Variants in CHST8 observed in about 807,000 individuals in gnomAD.
CHST8 encodes GALNAC-4-ST1.
CHST8 carries 10 observed loss-of-function variants against 15.0 expected under a neutral mutation model. The observed-to-expected ratio is 0.67, with a 90% CI of 0.41 to 1.13. CHST8 has a LOEUF of 1.13. Among genes scored for constraint, CHST8 ranks in the 50% most tolerant of loss-of-function variants. The pLI is 0.00. For synonymous variants in CHST8, 259 were observed against 256.6 expected, an observed-to-expected ratio of 1.01 and a Z score of -0.09; for missense variants, 634 against 608.2, an observed-to-expected ratio of 1.04 and a Z score of -0.45.
At position 33,689,246 on chromosome 19, in the gene CHST8, C is replaced by T. The variant is rs1429316174; in HGVS notation, c.-16C>T. 4.5e-6 allele frequency: 7 copies of T among 1,561,546 alleles called. No individual in the cohort carries two copies. Among genetic ancestry groups the T allele is most frequent in the East Asian group, 2.3e-5 (1 of 42,556 alleles). On this transcript the variant is annotated 5_prime_UTR_variant, in exon 3 of 5. Transcript: ENST00000650847. ...TGCCCCCCACACCCAAGAGGTGACCCCTGAGCCAGCCCCGGATGACCCTGC... is the reference window on the plus strand; with the variant it reads ...TGCCCCCCACACCCAAGAGGTGACCTCTGAGCCAGCCCCGGATGACCCTGC...
intron 3 of CHST8, among the ~76,000 whole-genome samples, chr19:33,737,934 C>CAGTTT (rs1974116389): frequency 1.3e-5 from 2 of 152,032 alleles, no homozygotes; most frequent in African/African-American, 4.8e-5. Flanking sequence ...CAAGTGGTTG[C>CAGTTT]AGTTTTCATT....
At chr19:33,699,606 T>C (rs1451464392) in intron 3 of CHST8, among the ~76,000 whole-genome samples, 1 of 152,082 alleles carries the variant, frequency 6.6e-6, no homozygotes, top group East Asian at 1.9e-4. Context: ...CTATGCGTCA[T>C]GCCTAATATC....
intron 3 of CHST8, among the ~76,000 whole-genome samples, chr19:33,763,121 G>A (rs1187612922): frequency 6.6e-6 from 1 of 152,180 alleles, no homozygotes; most frequent in Non-Finnish European, 1.5e-5. Context: ...GTCTCCCAAA[G>A]TGCTAGAATT....
rs116867733 is a variant in CHST8, at chr19:33,694,734, C to T, written c.130+5343C>T. Among the ~76,000 whole-genome samples the T allele has an allele frequency of 5.1e-4, 78 of 152,210 alleles. No homozygotes were observed. The East Asian group carries it at 0.011, about 21-fold the overall frequency. ...AGCTGGGATTACAGCTGTCCACCAC[C>T]ACACCTAGCTAATTTTTATCTTTTT... On this transcript the variant is annotated intron_variant, in intron 3 of 4. Transcript: ENST00000650847.
chr19:33,725,807 G>A (rs1973885220), intron 3 of CHST8, among the ~76,000 whole-genome samples: 1 of 152,220 alleles, frequency 6.6e-6, no homozygotes, highest in Admixed American at 6.5e-5. Context: ...CTCTCATCTG[G>A]TCGTGGTGGG....
At chr19:33,676,344 C>T (rs541356152) in intron 2 of CHST8, among the ~76,000 whole-genome samples, 22 of 152,164 alleles carry the variant, frequency 1.4e-4, no homozygotes, top group Middle Eastern at 3.4e-3. Context: ...CTGAGGCAGG[C>T]GGATCGCTTG....
chr19:33,753,570 A>T (rs1292499864), intron 3 of CHST8, among the ~76,000 whole-genome samples: 1 of 20,848 alleles, frequency 4.8e-5, no homozygotes, highest in Non-Finnish European at 9.0e-5. Flanking sequence ...CACCAACCTC[A>T]CACCATCCCC....
chr19:33,663,533 C>T (rs1371849944), intron 1 of CHST8, among the ~76,000 whole-genome samples: 2 of 152,138 alleles, frequency 1.3e-5, no homozygotes, highest in Non-Finnish European at 2.9e-5. Context: ...CCACTGCCTC[C>T]GGCCTGGGGG....
In CHST8 at chr19:33,715,685, G is replaced by A. The variant is rs757001395; in HGVS notation, c.130+26294G>A. Among the ~76,000 whole-genome samples the A allele has an allele frequency of 4.4e-4, 67 of 152,310 alleles. No individual in the cohort carries two copies. The Middle Eastern group carries it at 0.01, about 23-fold the overall frequency. ...GACCTTCACCTTGCTGGGCTAGCTG[G>A]CCTTGGGTTGTCCCTGGCTGCCTGC... is the stretch of plus-strand genomic sequence containing the variant. On this transcript the variant is annotated intron_variant, in intron 3 of 4. Transcript: ENST00000650847.
chr19:33,741,709 AT>A (rs372516086), intron 3 of CHST8, among the ~76,000 whole-genome samples: 11,085 of 144,646 alleles, frequency 0.077, 481 homozygotes, highest in African/African-American at 0.12. Flanking sequence ...AGTCCTGTGG[AT>A]TTTTTTTTTT....
intron 1 of CHST8, among the ~76,000 whole-genome samples, chr19:33,646,009 T>A (rs2145205322): frequency 6.6e-6 from 1 of 152,162 alleles, no homozygotes; most frequent in Non-Finnish European, 1.5e-5. Flanking sequence ...ATGCCTGTGG[T>A]CTCAGCTACT....
intron 3 of CHST8, among the ~76,000 whole-genome samples, chr19:33,689,929 T>C (rs1242620410): frequency 6.6e-6 from 1 of 151,760 alleles, no homozygotes; most frequent in Non-Finnish European, 1.5e-5. Context: ...CCCACTGGAG[T>C]CACAGAGGGC....
chr19:33,682,746 T>C (rs907760349), intron 2 of CHST8, among the ~76,000 whole-genome samples: 6 of 152,266 alleles, frequency 3.9e-5, no homozygotes, highest in Non-Finnish European at 5.9e-5. Flanking sequence ...GACTTTTTGA[T>C]TGACACATGC....
intron 2 of CHST8, among the ~76,000 whole-genome samples, chr19:33,686,893 C>T (rs976072394): frequency 5.9e-5 from 9 of 152,230 alleles, no homozygotes; most frequent in African/African-American, 2.2e-4. Context: ...CTGCTTAGGT[C>T]CGTGGGTGCG....
At chr19:33,755,636 A>G (rs1284102160) in intron 3 of CHST8, among the ~76,000 whole-genome samples, 3 of 152,208 alleles carry the variant, frequency 2.0e-5, no homozygotes, top group Admixed American at 6.5e-5. Flanking sequence ...ACAACCGCAA[A>G]GAGGTGCCCA....
intron 1 of CHST8, among the ~76,000 whole-genome samples, chr19:33,641,872 A>T (rs1972288873): frequency 6.6e-6 from 1 of 152,182 alleles, no homozygotes; most frequent in Non-Finnish European, 1.5e-5. Context: ...GTCCATTTTT[A>T]TATGAAATCG....
intron 2 of CHST8, among the ~76,000 whole-genome samples, chr19:33,682,126 G>T (rs903528725): frequency 6.6e-6 from 1 of 151,086 alleles, no homozygotes; most frequent in African/African-American, 2.4e-5. Flanking sequence ...AAAGTGCTGG[G>T]ATTATAGGCG....
Position 33,772,663 on chromosome 19 carries a change from G to T in CHST8, c.875G>T (p.Arg292Leu). 1 of 1,613,834 alleles carries T rather than the reference G, an allele frequency of 6.2e-7. No homozygotes were observed. Among genetic ancestry groups the T allele is most frequent in the Non-Finnish European group, 8.5e-7 (1 of 1,180,024 alleles). Residue 292 changes from arginine to leucine, a missense_variant, in exon 5 of 5, where the codon CGC becomes CTC. Coordinates refer to ENST00000650847, the MANE Select transcript of CHST8 (RefSeq NM_001127895.2). ...GGCAAGGCCATCCTGGCCCGGTACC[G>T]CGCCAATGCCTCTCGGGAGGCCCTG... is the stretch of plus-strand genomic sequence containing the variant. Reference protein sequence around the residue: ...VFGKAILARYRANASREALRT... With the variant: ...VFGKAILARYLANASREALRT...
chr19:33,752,539 G>A (rs1974441385), intron 3 of CHST8, among the ~76,000 whole-genome samples: 1 of 152,156 alleles, frequency 6.6e-6, no homozygotes, highest in African/African-American at 2.4e-5. Context: ...GAGGAGCATG[G>A]CAGAGCCCAG....
Sources: allele counts gnomAD v4.1 joint callset (sites outside exome capture counted in the v4.1 genomes callset), GRCh38; gene constraint gnomAD v4.1.1; transcripts MANE v1.5; gene names NCBI Gene and HGNC (gene_info 2026-07-23, HGNC 2026-07-21).